The following HS2ST1 variants were observed in gnomAD, a reference collection of about 807,000 sequenced individuals.
HS2ST1 encodes 2-O-sulfotransferase.
HS2ST1 carries 18 observed loss-of-function variants against 42.9 expected under a neutral mutation model. The ratio of observed to expected loss-of-function variants is 0.42; its 90% CI spans 0.29 to 0.62. The LOEUF (loss-of-function observed/expected upper bound fraction) is 0.62, where lower values mean the gene tolerates loss of function less well. Among genes scored for constraint, HS2ST1 ranks in the 20% least tolerant of loss-of-function variants. The pLI is 0.21. For synonymous variants in HS2ST1, 146 were observed against 152.9 expected, an observed-to-expected ratio of 0.95 and a Z score of 0.33; for missense variants, 334 against 433.8, an observed-to-expected ratio of 0.77 and a Z score of 2.04.
chr1:86,963,887 G>A (rs1444495370), intron 1 of HS2ST1, among the ~76,000 whole-genome samples: 1 of 149,024 alleles, frequency 6.7e-6, no homozygotes, highest in African/African-American at 2.5e-5. Context: ...GGGGCGGCTG[G>A]CCTGGCGGGG....
intron 2 of HS2ST1, among the ~76,000 whole-genome samples, chr1:87,080,683 A>G (rs900442788): frequency 4.6e-5 from 7 of 152,204 alleles, no homozygotes; most frequent in South Asian, 2.1e-4. Context: ...TAGGAAACAC[A>G]GTCTTATATC....
chr1:87,008,574 G>A (rs1359468538), intron 1 of HS2ST1, among the ~76,000 whole-genome samples: 1 of 152,182 alleles, frequency 6.6e-6, no homozygotes, highest in African/African-American at 2.4e-5. Context: ...AAATTCAGTA[G>A]CAAGTAACCT....
chr1:87,074,048 C>G (rs1175228965), intron 2 of HS2ST1, among the ~76,000 whole-genome samples: 1 of 152,140 alleles, frequency 6.6e-6, no homozygotes, highest in African/African-American at 2.4e-5. Flanking sequence ...AACTATAATC[C>G]TTACACTTAA....
intron 1 of HS2ST1, among the ~76,000 whole-genome samples, chr1:86,938,508 C>G (rs1401421131): frequency 6.6e-6 from 1 of 151,966 alleles, no homozygotes; most frequent in Non-Finnish European, 1.5e-5. Flanking sequence ...CTTTTGACAG[C>G]CTTTTTTTCT....
intron 1 of HS2ST1, chr1:87,045,504 C>T: frequency 1.1e-6 from 1 of 900,946 alleles, no homozygotes; most frequent in South Asian, 1.3e-5. Flanking sequence ...CGTACAGTCA[C>T]CTGGCTTGCT....
At chr1:86,996,292 A>G (rs1649101680) in intron 1 of HS2ST1, among the ~76,000 whole-genome samples, 1 of 152,040 alleles carries the variant, frequency 6.6e-6, no homozygotes, top group Admixed American at 6.5e-5. Flanking sequence ...AAAATACAAA[A>G]TTAGCTGGTC....
At chr1:87,049,712 A>G (rs11161929) in intron 1 of HS2ST1, among the ~76,000 whole-genome samples, 18,622 of 152,066 alleles carry the variant, frequency 0.12, 1,239 homozygotes, top group African/African-American at 0.14. Context: ...TGTTCCATGT[A>G]CACTTGAAAA....
chr1:87,098,048 A>C, intron 5 of HS2ST1, 113 bp downstream of exon 5: 1 of 1,503,374 alleles, frequency 6.7e-7, no homozygotes. Flanking sequence ...TAGACTAAAA[A>C]TAACATGTAA....
intron 1 of HS2ST1, among the ~76,000 whole-genome samples, chr1:86,923,398 CTT>C (rs1440334959): frequency 2.0e-4 from 28 of 137,726 alleles, no homozygotes; most frequent in Non-Finnish European, 2.4e-4. Flanking sequence ...AGGGGAACGC[CTT>C]TTTTTTTTTT....
intron 1 of HS2ST1, among the ~76,000 whole-genome samples, chr1:87,038,316 A>G (rs1333801943): frequency 6.6e-6 from 1 of 152,112 alleles, no homozygotes; most frequent in African/African-American, 2.4e-5. Context: ...AGTACATGCC[A>G]TATTTAACTG....
chr1:86,926,523 C>T (rs756986169), intron 1 of HS2ST1, among the ~76,000 whole-genome samples: 19 of 152,190 alleles, frequency 1.2e-4, no homozygotes, highest in Admixed American at 2.6e-4. Context: ...TCATACTATG[C>T]TGATTTCCTG....
intron 3 of HS2ST1, among the ~76,000 whole-genome samples, chr1:87,091,942 AT>A (rs1314331555): frequency 6.6e-6 from 1 of 152,044 alleles, no homozygotes; most frequent in Non-Finnish European, 1.5e-5. Flanking sequence ...CAGAAGGTAG[AT>A]TGACATGTTC....
rs374234551 is a variant in HS2ST1, at chr1:87,095,966, C to CTT, written c.589-1858_589-1857dup. 9.4e-3 allele frequency among the ~76,000 whole-genome samples: 1,189 copies of CTT among 126,206 alleles called. 13 individuals carry two copies. Among genetic ancestry groups the CTT allele is most frequent in the African/African-American group, 0.031 (1,059 of 34,668 alleles). The allele number at this position is 126,206 out of a possible 152,430, so 82.8% of individuals were successfully genotyped here. Reference sequence around the variant, plus strand: ...TGGCTTACTATAGACAGCCGGTTTTCTTTTTTTTTTTTTTTCATTTTCTGT... The same window carrying CTT: ...TGGCTTACTATAGACAGCCGGTTTTCTTTTTTTTTTTTTTTTTCATTTTCTGT... On this transcript the variant is annotated intron_variant, in intron 4 of 6. Coordinates refer to ENST00000370550, the MANE Select transcript of HS2ST1 (RefSeq NM_012262.4).
chr1:87,045,580 G>T (rs1326374865), intron 1 of HS2ST1: 14 of 788,860 alleles, frequency 1.8e-5, no homozygotes, highest in Non-Finnish European at 3.3e-5. Context: ...TTCTTTCTTG[G>T]ATTTGCTTGT....
intron 1 of HS2ST1, among the ~76,000 whole-genome samples, chr1:86,933,817 G>A (rs542568585): frequency 3.0e-4 from 45 of 151,184 alleles, no homozygotes; most frequent in African/African-American, 1.1e-3. Context: ...GTTAGGCTGT[G>A]TTTACTGTTT....
intron 2 of HS2ST1, among the ~76,000 whole-genome samples, chr1:87,078,594 C>T (rs1046379933): frequency 5.3e-5 from 8 of 152,180 alleles, no homozygotes; most frequent in African/African-American, 1.9e-4. Flanking sequence ...TCTCCCCAAG[C>T]CAGAGTTTTC....
intron 1 of HS2ST1, among the ~76,000 whole-genome samples, chr1:86,955,376 C>T (rs1361874095): frequency 6.6e-6 from 1 of 152,104 alleles, no homozygotes; most frequent in Admixed American, 6.5e-5. Context: ...TTGTGAATTG[C>T]GCTTGCGAGG....
intron 1 of HS2ST1, among the ~76,000 whole-genome samples, chr1:87,043,716 A>G (rs10747338): frequency 0.71 from 108,155 of 151,922 alleles, 40,199 homozygotes; most frequent in East Asian, 0.97. Flanking sequence ...TGCATTAACA[A>G]TGCTTCTGAA....
At chr1:87,060,292 T>C (rs1426844653) in intron 1 of HS2ST1, among the ~76,000 whole-genome samples, 1 of 152,096 alleles carries the variant, frequency 6.6e-6, no homozygotes, top group Non-Finnish European at 1.5e-5. Flanking sequence ...GCTTTTGCAA[T>C]CCCAAAATAA....
Sources: gnomAD v4.1 joint callset for allele counts (sites outside exome capture counted in the v4.1 genomes callset) on GRCh38, gnomAD v4.1.1 for gene constraint, MANE v1.5 for transcripts, NCBI Gene and HGNC (gene_info 2026-07-23, HGNC 2026-07-21) for gene names.